WASHC2C: variants seen among roughly 807,000 people sequenced by gnomAD.
The protein encoded by WASHC2C is WASH complex subunit 2C, also known as Vaccinia Penetration Factor.
WASHC2C carries 73 observed loss-of-function variants against 142.2 expected under a neutral mutation model. That is an observed-to-expected ratio of 0.51 (90% CI 0.43 to 0.62). WASHC2C has a LOEUF of 0.62. Among genes scored for constraint, WASHC2C ranks in the 20% least tolerant of loss-of-function variants. WASHC2C has a pLI of 0.00. For missense variants in WASHC2C, 969 were observed against 1,531.7 expected (o/e 0.63, Z 6.13); for synonymous variants, 337 against 565.5 (o/e 0.60, Z 5.73).
At chr10:45,784,295 T>C (rs868910502) in intron 23 of WASHC2C, among the ~76,000 whole-genome samples, 160 of 44,124 alleles carry the variant, frequency 3.6e-3, no homozygotes, top group Non-Finnish European at 4.8e-3. Context: ...TATATACACA[T>C]ATATATATAT....
intron 21 of WASHC2C, 146 bp from the exon 22 acceptor site, chr10:45,777,127 T>C: frequency 1.5e-6 from 1 of 660,302 alleles, no homozygotes; most frequent in Non-Finnish European, 2.6e-6. Flanking sequence ...TCCCTTTTGG[T>C]GCTACCTTCA....
At chr10:45,745,839 A>G (rs1240147543) in intron 7 of WASHC2C, among the ~76,000 whole-genome samples, 1 of 151,250 alleles carries the variant, frequency 6.6e-6, no homozygotes, top group Non-Finnish European at 1.5e-5. Context: ...TTACATATGT[A>G]TACATGTGCC....
At chr10:45,742,964 T>G (rs2052314436) in intron 5 of WASHC2C, among the ~76,000 whole-genome samples, 1 of 151,392 alleles carries the variant, frequency 6.6e-6, no homozygotes, top group Non-Finnish European at 1.5e-5. Context: ...CAACACTGTT[T>G]CCTGGGTTCA....
At chr10:45,784,289 T>TATATACAC (rs1333007505) in intron 23 of WASHC2C, among the ~76,000 whole-genome samples, 4 of 17,702 alleles carry the variant, frequency 2.3e-4, no homozygotes, top group African/African-American at 5.0e-4. Flanking sequence ...TATATATATA[T>TATATACAC]ACACATATAT....
chr10:45,784,051 T>C (rs1227784688), intron 23 of WASHC2C, among the ~76,000 whole-genome samples: 2 of 151,992 alleles, frequency 1.3e-5, no homozygotes, highest in African/African-American at 4.8e-5. Flanking sequence ...AGTCAGCTGC[T>C]GTCTCTTCTT....
chr10:45,754,346 T>C, intron 13 of WASHC2C, 140 bp from the exon 14 acceptor site: 2 of 1,528,028 alleles, frequency 1.3e-6, no homozygotes, highest in Non-Finnish European at 1.8e-6. Flanking sequence ...CTAAGGAATT[T>C]TAAAATGGCT....
intron 8 of WASHC2C, among the ~76,000 whole-genome samples, chr10:45,747,493 T>C (rs2052986072): frequency 1.3e-5 from 2 of 152,244 alleles, no homozygotes; most frequent in South Asian, 2.1e-4. Flanking sequence ...TTCTATACTT[T>C]TAAACATACT....
At chr10:45,763,161 G>A (rs549926127) in intron 17 of WASHC2C, among the ~76,000 whole-genome samples, 147 of 152,212 alleles carry the variant, frequency 9.7e-4, no homozygotes, top group African/African-American at 3.3e-3. Flanking sequence ...GGCTCTGCGA[G>A]CCCACCAGAT....
chr10:45,753,872 G>A (rs1391444288), intron 13 of WASHC2C, among the ~76,000 whole-genome samples: 1 of 149,706 alleles, frequency 6.7e-6, no homozygotes, highest in East Asian at 2.0e-4. Flanking sequence ...TTACTCAATA[G>A]GTTTGTGGTA....
intron 3 of WASHC2C, among the ~76,000 whole-genome samples, chr10:45,737,768 A>ATTT (rs782072881): frequency 2.9e-5 from 4 of 135,750 alleles, no homozygotes; most frequent in African/African-American, 5.4e-5. Flanking sequence ...TTGTATTTAA[A>ATTT]TTTTTTTTTT....
At chr10:45,788,219 T>C (rs2058189473) in intron 28 of WASHC2C, among the ~76,000 whole-genome samples, 1 of 152,246 alleles carries the variant, frequency 6.6e-6, no homozygotes, top group Non-Finnish European at 1.5e-5. Flanking sequence ...AAAATTCTAC[T>C]TGATTGTATA....
intron 20 of WASHC2C, among the ~76,000 whole-genome samples, chr10:45,770,048 G>A (rs1414325892): frequency 6.6e-6 from 1 of 151,084 alleles, no homozygotes; most frequent in Non-Finnish European, 1.5e-5. Context: ...AGACCAGCCT[G>A]GCCAATATGG....
chr10:45,756,894 C>G (rs1554877424), intron 15 of WASHC2C, 118 bp from the exon 16 acceptor site: 1 of 808,420 alleles, frequency 1.2e-6, no homozygotes, highest in African/African-American at 1.7e-5. Context: ...TATAACTAAT[C>G]AAGAAACAAC....
chr10:45,736,248 C>A (rs1215308298), intron 3 of WASHC2C, among the ~76,000 whole-genome samples: 3 of 150,080 alleles, frequency 2.0e-5, no homozygotes, highest in African/African-American at 7.3e-5. Flanking sequence ...ACTAAAAATA[C>A]AAAAAAAATT....
intron 3 of WASHC2C, among the ~76,000 whole-genome samples, chr10:45,729,612 A>C (rs1338980593): frequency 6.6e-6 from 1 of 151,670 alleles, no homozygotes; most frequent in African/African-American, 2.4e-5. Flanking sequence ...CTCCCTTGGC[A>C]AATAGTATAA....
chr10:45,758,066 CT>C (rs879948679), intron 16 of WASHC2C, among the ~76,000 whole-genome samples: 54 of 148,138 alleles, frequency 3.6e-4, no homozygotes, highest in Non-Finnish European at 4.2e-4. Context: ...CCTCCCACAT[CT>C]TTTTTTTTTT....
Position 45,789,491 on chromosome 10 carries a change from G to A in WASHC2C, c.3708G>A (p.Glu1236=). The stretch of plus-strand genomic sequence containing the variant: ...TATTAACAACACAAGATATTTTTGA[G>A]GTAATAGGACTTAACACGTTTTTGT... The part of the protein sequence containing the change: ...DVILTTQDIF[E]DDIFATEAIK... Residue 1236 remains glutamate (E), a splice_region_variant and synonymous_variant, in exon 29 of 31, where the codon GAG becomes GAA. Transcript: ENST00000623400. The A allele has an allele frequency of 6.2e-7, 1 of 1,611,902 alleles. No homozygotes were observed. Among genetic ancestry groups the A allele is most frequent in the Non-Finnish European group, 8.5e-7 (1 of 1,179,862 alleles).
intron 13 of WASHC2C, among the ~76,000 whole-genome samples, chr10:45,753,917 C>G (rs1466242241): frequency 6.6e-6 from 1 of 150,846 alleles, no homozygotes; most frequent in Non-Finnish European, 1.5e-5. Flanking sequence ...ATTCTAAGTG[C>G]CGAGTCTCCC....
intron 23 of WASHC2C, among the ~76,000 whole-genome samples, chr10:45,783,265 A>T (rs1156337485): frequency 6.6e-6 from 1 of 151,986 alleles, no homozygotes; most frequent in African/African-American, 2.4e-5. Flanking sequence ...AGCTGCACAC[A>T]GTGAATATGA....
Sources: gnomAD v4.1 joint callset for allele counts (sites outside exome capture counted in the v4.1 genomes callset) on GRCh38, gnomAD v4.1.1 for gene constraint, MANE v1.5 for transcripts, NCBI Gene and HGNC (gene_info 2026-07-23, HGNC 2026-07-21) for gene names.